The following FAM234A variants were observed in gnomAD, a reference collection of about 807,000 sequenced individuals.
The protein encoded by FAM234A is family with sequence similarity 234 member A.
In FAM234A, 42 loss-of-function variants were observed where a neutral mutation model predicts 49.1. The ratio of observed to expected loss-of-function variants is 0.86; its 90% CI spans 0.67 to 1.11. FAM234A has a LOEUF of 1.11. FAM234A is among the 50% of genes least tolerant of loss of function. The probability of loss-of-function intolerance (pLI) is 0.00; values close to 1 mark genes in which losing one functional copy is unlikely to be tolerated. For synonymous variants in FAM234A, 369 were observed against 316.2 expected (o/e 1.17, Z -1.77); for missense variants, 815 against 745.2 (o/e 1.09, Z -1.09).
intron 3 of FAM234A, among the ~76,000 whole-genome samples, chr16:254,911 A>C (rs1319447347): frequency 2.0e-5 from 3 of 152,206 alleles, no homozygotes; most frequent in African/African-American, 7.2e-5. Context: ...GCTGGAGTGC[A>C]CTGGCACAAT....
chr16:269,552 A>G (rs1187951496), downstream of FAM234A: 2 of 1,613,432 alleles, frequency 1.2e-6, no homozygotes, highest in Non-Finnish European at 1.7e-6. Flanking sequence ...AGGGCCTTGT[A>G]CATGTCAGAC....
intron 3 of FAM234A, among the ~76,000 whole-genome samples, chr16:258,830 C>A (rs192954646): frequency 3.5e-4 from 54 of 152,330 alleles, no homozygotes; most frequent in African/African-American, 1.1e-3. Flanking sequence ...GTCGGCCAGG[C>A]TGGAGTGCAG....
intron 2 of FAM234A, among the ~76,000 whole-genome samples, chr16:251,025 T>A (rs189424829): frequency 3.3e-5 from 5 of 152,120 alleles, no homozygotes; most frequent in Non-Finnish European, 5.9e-5. Flanking sequence ...GGTGCAATCT[T>A]GGCTCACTGC....
At position 264,666 on chromosome 16, in the gene FAM234A, G is replaced by A. The variant is rs754935510; in HGVS notation, c.1397G>A (p.Arg466His). Residue 466 changes from arginine to histidine, a missense_variant, in exon 12 of 13, where the codon CGC becomes CAC. Coordinates refer to ENST00000399932, the MANE Select transcript of FAM234A (RefSeq NM_032039.4). The stretch of plus-strand genomic sequence containing the variant: ...TACATGTTCCACCCCACCCTGCCGC[G>A]CGTGCTGCTGGAGCTGGCCAATGTC... ...SLYMFHPTLPRVLLELANVST... is the reference protein window; with the variant it reads ...SLYMFHPTLPHVLLELANVST... 6.2e-6 allele frequency: 10 copies of A among 1,611,908 alleles called. No homozygotes were observed. The East Asian group carries it at 6.7e-5, about 11-fold the overall frequency.
rs73484319 is a variant in FAM234A at position 243,530 on chromosome 16, A to G, written c.-139-6019A>G. Reference sequence around the variant, plus strand: ...AAACATTGGTATCTTCTTGCTGTTGATGAGCAAATCTTTGGACCTGTCTCA... The same window carrying G: ...AAACATTGGTATCTTCTTGCTGTTGGTGAGCAAATCTTTGGACCTGTCTCA... On this transcript the variant is annotated intron_variant, in intron 1 of 12. Transcript: ENST00000399932. 7.0e-3 allele frequency among the ~76,000 whole-genome samples: 1,066 copies of G among 152,276 alleles called. 14 individuals are homozygous for G. The highest frequency in any genetic ancestry group is 0.024 in the African/African-American group (981 of 41,550).
intron 1 of FAM234A, among the ~76,000 whole-genome samples, chr16:241,708 C>G (rs368092878): frequency 0.017 from 2,552 of 151,978 alleles, 68 homozygotes; most frequent in East Asian, 0.11. Context: ...ACGAGGTCAG[C>G]AGATCGAGAC....
At chr16:235,331 C>G (rs2050360887) in intron 1 of FAM234A, among the ~76,000 whole-genome samples, 1 of 152,098 alleles carries the variant, frequency 6.6e-6, no homozygotes, top group Admixed American at 6.6e-5. Context: ...TCTCTCGGGA[C>G]GCTGTCTGCA....
chr16:264,926 A>C lies in FAM234A; in HGVS notation c.1563A>C (p.Pro521=), dbSNP rs2051638025. 6.2e-7 allele frequency: 1 copy of C among 1,612,930 alleles called. No homozygotes were observed. The highest frequency in any genetic ancestry group is 1.1e-5 in the South Asian group (1 of 91,080). The change falls in exon 13 of 13, where the codon CCA becomes CCC. Residue 521 remains proline, a synonymous_variant. Coordinates refer to ENST00000399932, the MANE Select transcript of FAM234A (RefSeq NM_032039.4). ...VIKHKVRDLV[P]SSRVVRLGEG... ...AGCACAAGGTGCGGGACCTTGTCCC[A>C]AGCAGCAGGGTGGTCCGCCTGGGTG...
chr16:262,015 C>T, intron 6 of FAM234A, 78 bp from the exon 7 acceptor site: 1 of 987,714 alleles, frequency 1.0e-6, no homozygotes, highest in Non-Finnish European at 1.3e-6. Flanking sequence ...GGCTCAGGTC[C>T]TTCTCTTCCT....
chr16:264,077 C>G lies in FAM234A; in HGVS notation c.1250C>G (p.Pro417Arg). The G allele has an allele frequency of 3.1e-6, 5 of 1,613,026 alleles. No individual in the cohort carries two copies. Among genetic ancestry groups the G allele is most frequent in the South Asian group, 1.1e-5 (1 of 91,070 alleles). ...TGTAGCCTAGCCCTCCCGAGCCTCC[C>G]TGGGGGTCCACTGTCCGCCAGCCTG... ...VLCSLALPSL[P>R]GGPLSASLPT... The change falls in exon 11 of 13, where the codon CCT (proline) becomes CGT (arginine). Residue 417 changes from proline (P) to arginine (R), a missense_variant. Physicochemically the swap from Pro to Arg is moderately radical, Grantham distance 103. Transcript: ENST00000399932.
chr16:254,985 A>T (rs2051174398), intron 3 of FAM234A, among the ~76,000 whole-genome samples: 1 of 151,852 alleles, frequency 6.6e-6, no homozygotes, highest in Admixed American at 6.6e-5. Context: ...CCTCCCAAAT[A>T]GCTGGGATTA....
At position 264,676 on chromosome 16, in the gene FAM234A, G is replaced by T; in HGVS notation, c.1407G>T (p.Leu469=). 1 of 1,612,232 alleles carries T rather than the reference G, an allele frequency of 6.2e-7. No individual in the cohort carries two copies. The highest frequency in any genetic ancestry group is 1.1e-5 in the South Asian group (1 of 91,090). ...MFHPTLPRVL[L]ELANVSTHIV... ...ACCCCACCCTGCCGCGCGTGCTGCT[G>T]GAGCTGGCCAATGTCTCTACCCACA... The change falls in exon 12 of 13, where the codon CTG becomes CTT. Residue 469 remains leucine, a synonymous_variant. Coordinates refer to ENST00000399932, the MANE Select transcript of FAM234A (RefSeq NM_032039.4).
At chr16:262,930 C>T (rs999014921) in intron 8 of FAM234A, among the ~76,000 whole-genome samples, 1 of 151,738 alleles carries the variant, frequency 6.6e-6, no homozygotes, top group African/African-American at 2.4e-5. Context: ...AGTGATTCTC[C>T]TGCCCCAGCC....
At chr16:250,436 G>A (rs188514368) in intron 2 of FAM234A, among the ~76,000 whole-genome samples, 8 of 151,884 alleles carry the variant, frequency 5.3e-5, no homozygotes, top group African/African-American at 1.7e-4. Flanking sequence ...CCACCCCCAT[G>A]CCAGCTGCTT....
intron 2 of FAM234A, among the ~76,000 whole-genome samples, chr16:253,137 G>A (rs2051087307): frequency 6.6e-6 from 1 of 152,318 alleles, no homozygotes; most frequent in Admixed American, 6.5e-5. Context: ...CAGGGGCCCT[G>A]TGCCTTTCCC....
downstream of FAM234A, among the ~76,000 whole-genome samples, chr16:267,897 CACAT>C (rs1449858705): frequency 4.1e-5 from 6 of 147,946 alleles, no homozygotes; most frequent in Admixed American, 4.1e-4. Context: ...GCACATACCA[CACAT>C]GCATGCCTCA....
chr16:269,848 T>G, downstream of FAM234A: 1 of 426,400 alleles, frequency 2.3e-6, no homozygotes, highest in Non-Finnish European at 4.2e-6. Context: ...CCGCGGCACC[T>G]CCTCAGCCAT....
At chr16:266,494 C>G (rs570119389), downstream of FAM234A, among the ~76,000 whole-genome samples, 5 of 152,162 alleles carry the variant, frequency 3.3e-5, no homozygotes, top group East Asian at 5.8e-4. Flanking sequence ...AAGAGGAGCC[C>G]AGGCAGGGGC....
downstream of FAM234A, chr16:268,875 G>A (rs745592127): frequency 5.7e-5 from 89 of 1,550,492 alleles, no homozygotes; most frequent in Middle Eastern, 2.0e-3. Flanking sequence ...GAAGCCGCCC[G>A]CCTGTGCATC....
Sources: allele counts gnomAD v4.1 joint callset (sites outside exome capture counted in the v4.1 genomes callset), GRCh38; gene constraint gnomAD v4.1.1; transcripts MANE v1.5; gene names NCBI Gene and HGNC (gene_info 2026-07-23, HGNC 2026-07-21).